The following PTPN13 variants were observed in gnomAD, a reference collection of about 807,000 sequenced individuals.
PTPN13 encodes tyrosine-protein phosphatase non-receptor type 13.
PTPN13 carries 191 observed loss-of-function variants against 284.0 expected under a neutral mutation model. That is an observed-to-expected ratio of 0.67 (90% CI 0.60 to 0.76). The LOEUF (loss-of-function observed/expected upper bound fraction) is 0.76. PTPN13 is among the 30% of genes least tolerant of loss of function. The pLI is 0.00. For missense variants in PTPN13, 2,797 were observed against 2,939.9 expected, an observed-to-expected ratio of 0.95 and a Z score of 1.12; for synonymous variants, 986 against 1,022.3, an observed-to-expected ratio of 0.96 and a Z score of 0.68.
chr4:86,807,902 G>A lies in PTPN13; in HGVS notation c.7083+5G>A. 6.2e-7 allele frequency: 1 copy of A among 1,600,078 alleles called. No individual in the cohort carries two copies. The highest frequency in any genetic ancestry group is 8.5e-7 in the Non-Finnish European group (1 of 1,171,022). ...ATGACCCTTGAAGATATTCAGGTAA[G>A]TGAATGAAATCTTTCCCTGTTGGAA... On this transcript the variant is annotated splice_donor_5th_base_variant and intron_variant, in intron 45 of 47. Transcript: ENST00000411767.
chr4:86,772,939 A>T lies in PTPN13; in HGVS notation c.5330A>T (p.His1777Leu). ...CCTTTGAAAAATGACTTGGAAAATC[A>T]CCTTGAAGACTTTGAACTGGTAAGT... ...WTPLKNDLEN[H>L]LEDFELEVEL... Residue 1777 changes from histidine (H) to leucine (L), a missense_variant, in exon 32 of 48, where the codon CAC becomes CTC. Transcript: ENST00000411767. The T allele has an allele frequency of 1.2e-6, 2 of 1,600,426 alleles. No individual in the cohort carries two copies. The highest frequency in any genetic ancestry group is 1.1e-5 in the South Asian group (1 of 87,850).
intron 10 of PTPN13, among the ~76,000 whole-genome samples, chr4:86,726,408 G>A (rs999714354): frequency 2.7e-5 from 4 of 149,296 alleles, no homozygotes; most frequent in East Asian, 3.9e-4. Flanking sequence ...ATTACTTTGG[G>A]CAGTATGGCC....
chr4:86,689,357 A>G (rs1729780814), intron 5 of PTPN13, among the ~76,000 whole-genome samples, 167 bp downstream of exon 5: 1 of 152,148 alleles, frequency 6.6e-6, no homozygotes, highest in African/African-American at 2.4e-5. Context: ...ACAATACTTA[A>G]AATTTAGAAG....
intron 7 of PTPN13, among the ~76,000 whole-genome samples, chr4:86,706,465 T>C (rs1731778821): frequency 6.6e-6 from 1 of 152,214 alleles, no homozygotes; most frequent in South Asian, 2.1e-4. Flanking sequence ...GAGGCACTTT[T>C]GGTTTTTTCT....
At chr4:86,617,164 A>G (rs995354082) in intron 1 of PTPN13, among the ~76,000 whole-genome samples, 6 of 152,192 alleles carry the variant, frequency 3.9e-5, no homozygotes, top group African/African-American at 9.7e-5. Context: ...CCCTATTTTC[A>G]TAATTTTCTA....
At chr4:86,600,315 G>T (rs544419725) in intron 1 of PTPN13, among the ~76,000 whole-genome samples, 19 of 149,666 alleles carry the variant, frequency 1.3e-4, no homozygotes, top group Middle Eastern at 3.5e-3. Flanking sequence ...TAGAAAAGAT[G>T]TTTCCTAATC....
rs746779259 is a variant in PTPN13 at position 86,809,876 on chromosome 4, C to T, written c.7191C>T (p.His2397=). ...TTACTTTTATCTCCTACATGAGACA[C>T]ATCCACAGATCAGGCCCAATCATTA... is the stretch of plus-strand genomic sequence containing the variant. ...DLLTFISYMR[H]IHRSGPIITH... Residue 2397 remains histidine (H), a synonymous_variant, in exon 46 of 48, where the codon CAC becomes CAT. Coordinates refer to ENST00000411767, the MANE Select transcript of PTPN13 (RefSeq NM_080683.3). The T allele has an allele frequency of 3.7e-5, 60 of 1,613,896 alleles. No individual in the cohort carries two copies. The highest frequency in any genetic ancestry group is 4.9e-5 in the Non-Finnish European group (58 of 1,179,884).
At chr4:86,680,399 ATCTC>A (rs755241371) in intron 3 of PTPN13, among the ~76,000 whole-genome samples, 3 of 125,836 alleles carry the variant, frequency 2.4e-5, no homozygotes, top group Non-Finnish European at 5.2e-5. Flanking sequence ...CTATCTATCT[ATCTC>A]TATCTCTATC....
rs1240736764 is a variant in PTPN13 at position 86,799,219 on chromosome 4, GAC to G, written c.6505+17_6505+18del. On this transcript the variant is annotated intron_variant, in intron 42 of 47. Coordinates refer to ENST00000411767, the MANE Select transcript of PTPN13 (RefSeq NM_080683.3). Reference sequence around the variant, plus strand: ...TTCTGATAAAGGCAAGAATTTTAATGACAGTTTTTTCCTCAAAAATAATGAAT... The same window carrying G: ...TTCTGATAAAGGCAAGAATTTTAATGAGTTTTTTCCTCAAAAATAATGAAT... 1.4e-6 allele frequency: 2 copies of G among 1,454,610 alleles called. No individual in the cohort carries two copies. The highest frequency in any genetic ancestry group is 4.8e-5 in the Admixed American group (2 of 41,804). The allele number at this position is 1,454,610 out of a possible 1,614,324, so 90.1% of individuals were successfully genotyped here.
intron 2 of PTPN13, among the ~76,000 whole-genome samples, chr4:86,672,120 T>C (rs1369615243): frequency 6.6e-6 from 1 of 152,230 alleles, no homozygotes; most frequent in African/African-American, 2.4e-5. Flanking sequence ...GTTTCTAGGA[T>C]CTACCATCCA....
intron 1 of PTPN13, among the ~76,000 whole-genome samples, chr4:86,601,351 T>C: frequency 6.6e-6 from 1 of 152,090 alleles, no homozygotes; most frequent in Admixed American, 6.5e-5. Flanking sequence ...TTAAGTAGTA[T>C]AGAAATGAAA....
At chr4:86,625,270 A>C (rs1357838874) in intron 1 of PTPN13, among the ~76,000 whole-genome samples, 1 of 151,990 alleles carries the variant, frequency 6.6e-6, no homozygotes, top group Non-Finnish European at 1.5e-5. Context: ...ACAGAATTTG[A>C]ATACCTCCTA....
chr4:86,732,416 A>C lies in PTPN13; in HGVS notation c.1625A>C (p.Glu542Ala). 6.3e-7 allele frequency: 1 copy of C among 1,597,362 alleles called. No individual in the cohort carries two copies. The change falls in exon 11 of 48, where the codon GAG becomes GCG. Residue 542 changes from glutamate to alanine, a missense_variant. Physicochemically the swap from Glu to Ala is moderately radical, Grantham distance 107. Transcript: ENST00000411767. ...GATTTGCAGAATTTCTTTGGCCCTGAGTTTGTGAAAATGACAATTGAACCA... is the reference window on the plus strand; with the variant it reads ...GATTTGCAGAATTTCTTTGGCCCTGCGTTTGTGAAAATGACAATTGAACCA... Reference protein sequence around the residue: ...QRKLRNFFGPEFVKMTIEPFI... With the variant: ...QRKLRNFFGPAFVKMTIEPFI...
chr4:86,712,722 G>A (rs1280517218), intron 7 of PTPN13, among the ~76,000 whole-genome samples: 2 of 151,950 alleles, frequency 1.3e-5, no homozygotes, highest in African/African-American at 4.8e-5. Flanking sequence ...CCTCCCCGAA[G>A]GTGTATTACT....
chr4:86,780,654 T>C (rs959701178), intron 36 of PTPN13, among the ~76,000 whole-genome samples, 182 bp downstream of exon 36: 1 of 152,208 alleles, frequency 6.6e-6, no homozygotes, highest in African/African-American at 2.4e-5. Context: ...ACATAAAAAC[T>C]TGGACAGAAA....
intron 1 of PTPN13, among the ~76,000 whole-genome samples, chr4:86,634,980 T>A (rs1480030216): frequency 6.6e-6 from 1 of 152,152 alleles, no homozygotes; most frequent in Non-Finnish European, 1.5e-5. Context: ...CTGGGGTCTC[T>A]TCCTTTTTCC....
At chr4:86,630,604 CT>C (rs1387164792) in intron 1 of PTPN13, among the ~76,000 whole-genome samples, 1 of 151,942 alleles carries the variant, frequency 6.6e-6, no homozygotes, top group Non-Finnish European at 1.5e-5. Context: ...TCTCAACTCA[CT>C]GTGGTTTTTT....
chr4:86,683,200 A>G (rs1264767863), intron 3 of PTPN13, among the ~76,000 whole-genome samples: 1 of 151,924 alleles, frequency 6.6e-6, no homozygotes, highest in Non-Finnish European at 1.5e-5. Context: ...GGTTTATTAT[A>G]AAGGGTTGGC....
chr4:86,691,703 C>T (rs981229223), intron 5 of PTPN13, among the ~76,000 whole-genome samples: 30 of 152,134 alleles, frequency 2.0e-4, no homozygotes, highest in Non-Finnish European at 4.4e-4. Context: ...GATTAAATAA[C>T]TTGCACATAG....
Sources: allele counts gnomAD v4.1 joint callset (sites outside exome capture counted in the v4.1 genomes callset), GRCh38; gene constraint gnomAD v4.1.1; transcripts MANE v1.5; gene names NCBI Gene and HGNC (gene_info 2026-07-23, HGNC 2026-07-21).